MEIS1: variants seen among roughly 807,000 people sequenced by gnomAD.
MEIS1 encodes the protein homeobox protein Meis1.
In MEIS1, 5 loss-of-function variants were observed where a neutral mutation model predicts 50.8. That is an observed-to-expected ratio of 0.10 (90% CI 0.05 to 0.21). MEIS1 has a LOEUF of 0.21. Among genes scored for constraint, MEIS1 ranks in the 10% least tolerant of loss-of-function variants. The pLI, the probability that MEIS1 is intolerant of heterozygous loss-of-function variation, is 1.00. For missense variants in MEIS1, 318 were observed against 517.3 expected (o/e 0.61, Z 3.74); for synonymous variants, 176 against 179.3 (o/e 0.98, Z 0.15).
At chr2:66,464,837 T>A (rs1284714856) in intron 7 of MEIS1, among the ~76,000 whole-genome samples, 2 of 152,226 alleles carry the variant, frequency 1.3e-5, no homozygotes, top group Non-Finnish European at 2.9e-5. Flanking sequence ...GTCCATGGAT[T>A]ATGCATGTTT....
chr2:66,469,464 G>T (rs1053791873), intron 7 of MEIS1, among the ~76,000 whole-genome samples: 1 of 152,150 alleles, frequency 6.6e-6, no homozygotes, highest in Admixed American at 6.5e-5. Context: ...GGCGAGGGAG[G>T]TGGGGAAGGG....
intron 7 of MEIS1, among the ~76,000 whole-genome samples, chr2:66,500,423 T>C (rs1220618418): frequency 1.3e-5 from 2 of 152,114 alleles, no homozygotes; most frequent in Non-Finnish European, 2.9e-5. Flanking sequence ...AAATTTTTAT[T>C]TATTTATTTA....
chr2:66,448,379 T>C (rs981045963), intron 6 of MEIS1, among the ~76,000 whole-genome samples: 3 of 152,124 alleles, frequency 2.0e-5, no homozygotes, highest in African/African-American at 7.2e-5. Flanking sequence ...AAACAAAGAC[T>C]ATTTGTGCTC....
intron 8 of MEIS1, among the ~76,000 whole-genome samples, chr2:66,528,175 G>A (rs1217603200): frequency 2.0e-5 from 3 of 152,180 alleles, no homozygotes; most frequent in African/African-American, 4.8e-5. Context: ...TGTATATAGA[G>A]TCATAGATCC....
intron 9 of MEIS1, among the ~76,000 whole-genome samples, chr2:66,559,739 A>G (rs566944608): frequency 5.5e-4 from 83 of 152,280 alleles, no homozygotes; most frequent in African/African-American, 1.7e-3. Flanking sequence ...TAGCTCCATA[A>G]GGTTATACAA....
intron 7 of MEIS1, among the ~76,000 whole-genome samples, chr2:66,473,397 A>AAAAT: frequency 4.9e-4 from 53 of 107,574 alleles, no homozygotes; most frequent in Middle Eastern, 4.5e-3. Context: ...AAAAAAAAAA[A>AAAAT]ATATATATAT....
At chr2:66,558,634 C>G (rs1246212269) in intron 9 of MEIS1, among the ~76,000 whole-genome samples, 3 of 152,182 alleles carry the variant, frequency 2.0e-5, no homozygotes, top group Admixed American at 1.3e-4. Context: ...CAAGTCAAAT[C>G]ATCTTCATTG....
chr2:66,473,397 A>AAAAAAAAAATATAT, intron 7 of MEIS1, among the ~76,000 whole-genome samples: 8 of 107,596 alleles, frequency 7.4e-5, no homozygotes, highest in African/African-American at 4.7e-4. Flanking sequence ...AAAAAAAAAA[A>AAAAAAAAAATATAT]ATATATATAT....
chr2:66,437,989 G>GT (rs1238867090), intron 2 of MEIS1, 26 bp downstream of exon 2: 4 of 1,537,188 alleles, frequency 2.6e-6, no homozygotes, highest in Middle Eastern at 1.7e-4. Flanking sequence ...AGCAGGTTAA[G>GT]TAGTTGAGAC....
chr2:66,483,212 G>T (rs76028781), intron 7 of MEIS1, among the ~76,000 whole-genome samples: 2 of 147,324 alleles, frequency 1.4e-5, no homozygotes, highest in Non-Finnish European at 3.0e-5. Context: ...GGGGAGTTAT[G>T]CTTATTTTTT....
At chr2:66,559,372 C>T (rs1306533399) in intron 9 of MEIS1, among the ~76,000 whole-genome samples, 1 of 152,178 alleles carries the variant, frequency 6.6e-6, no homozygotes, top group Non-Finnish European at 1.5e-5. Context: ...CCTCTTCACT[C>T]TCAAACGTGT....
intron 10 of MEIS1, 103 bp downstream of exon 10, chr2:66,567,614 A>G (rs779079683): frequency 1.3e-5 from 13 of 1,008,570 alleles, no homozygotes; most frequent in African/African-American, 9.6e-5. Context: ...GGGAGTGAGT[A>G]TAGGAACGCC....
chr2:66,573,823 A>G lies in MEIS1; in HGVS notation c.*2615A>G, dbSNP rs1675524051. On this transcript the variant is annotated 3_prime_UTR_variant, in exon 13 of 13. Transcript: ENST00000272369. ...TGATAGGTGGTTGCTAGCAGTTAACAACCATTTATTTACTTTAACAATTAA... is the reference window on the plus strand; with the variant it reads ...TGATAGGTGGTTGCTAGCAGTTAACGACCATTTATTTACTTTAACAATTAA... 1 of 152,206 alleles carries G rather than the reference A, an allele frequency of 6.6e-6. No homozygotes were observed. The highest frequency in any genetic ancestry group is 1.5e-5 in the Non-Finnish European group (1 of 68,046). The allele number at this position is 152,206 out of a possible 1,614,324, so 9.4% of individuals were successfully genotyped here.
At chr2:66,492,858 A>G (rs1366111305) in intron 7 of MEIS1, among the ~76,000 whole-genome samples, 2 of 152,156 alleles carry the variant, frequency 1.3e-5, no homozygotes, top group Admixed American at 1.3e-4. Context: ...CATTGCTTTA[A>G]TGAGAGTTGC....
chr2:66,572,783 TTTG>T lies in MEIS1; in HGVS notation c.*1578_*1580del, dbSNP rs1178274843. 1 of 152,146 alleles carries T rather than the reference TTTG, an allele frequency of 6.6e-6. No individual in the cohort carries two copies. The highest frequency in any genetic ancestry group is 1.5e-5 in the Non-Finnish European group (1 of 68,018). The allele number at this position is 152,146 out of a possible 1,614,324, so 9.4% of individuals were successfully genotyped here. Reference sequence around the variant, plus strand: ...CATGCTGACTCCACTGCTTGAAAAATTTGTTTACTGCCCCCCAGATTTTTAAAG... The same window carrying T: ...CATGCTGACTCCACTGCTTGAAAAATTTTACTGCCCCCCAGATTTTTAAAG... On this transcript the variant is annotated 3_prime_UTR_variant, in exon 13 of 13. Coordinates refer to ENST00000272369, the MANE Select transcript of MEIS1 (RefSeq NM_002398.3).
chr2:66,523,355 G>A (rs1456050233), intron 8 of MEIS1, among the ~76,000 whole-genome samples: 2 of 152,170 alleles, frequency 1.3e-5, no homozygotes, highest in African/African-American at 2.4e-5. Context: ...ATGCAAGGTT[G>A]TAGGCTTAGA....
intron 9 of MEIS1, among the ~76,000 whole-genome samples, chr2:66,559,999 G>A (rs1432976067): frequency 6.6e-6 from 1 of 150,678 alleles, no homozygotes; most frequent in African/African-American, 2.4e-5. Flanking sequence ...GTTTTACCAT[G>A]TTGCCCATGG....
intron 7 of MEIS1, among the ~76,000 whole-genome samples, chr2:66,488,611 GA>G (rs1673198302): frequency 6.6e-6 from 1 of 152,214 alleles, no homozygotes. Context: ...CCGGGAGGCA[GA>G]GCTTGCAGTG....
chr2:66,567,551 G>A (rs373336536), intron 10 of MEIS1, 40 bp downstream of exon 10: 998 of 1,601,094 alleles, frequency 6.2e-4, no homozygotes, highest in Non-Finnish European at 8.1e-4. Context: ...TCACGCAAGC[G>A]AAAACCATCC....
Sources: allele counts gnomAD v4.1 joint callset (sites outside exome capture counted in the v4.1 genomes callset), GRCh38; gene constraint gnomAD v4.1.1; transcripts MANE v1.5; gene names NCBI Gene and HGNC (gene_info 2026-07-23, HGNC 2026-07-21).